The following BMPR1B variants were observed in gnomAD, a reference collection of about 807,000 sequenced individuals.
BMPR1B encodes the protein bone morphogenetic protein receptor type-1B.
BMPR1B carries 12 observed loss-of-function variants against 59.1 expected under a neutral mutation model. That is an observed-to-expected ratio of 0.20 (90% CI 0.13 to 0.33). BMPR1B has a LOEUF of 0.33. Among genes scored for constraint, BMPR1B ranks in the 10% least tolerant of loss-of-function variants. The pLI is 1.00. For missense variants in BMPR1B, 550 were observed against 610.9 expected (o/e 0.90, Z 1.05); for synonymous variants, 237 against 207.3 (o/e 1.14, Z -1.23).
chr4:95,091,020 G>C (rs1729938030), intron 3 of BMPR1B, among the ~76,000 whole-genome samples: 1 of 152,002 alleles, frequency 6.6e-6, no homozygotes, highest in South Asian at 2.1e-4. Flanking sequence ...TTGTGTAGTT[G>C]ATTGGTTTGT....
chr4:94,817,695 C>T (rs13120681), intron 1 of BMPR1B, among the ~76,000 whole-genome samples: 59,882 of 151,862 alleles, frequency 0.39, 12,241 homozygotes, highest in African/African-American at 0.51. Flanking sequence ...CCCATGATTA[C>T]TGTGAGGGTG....
chr4:94,952,253 G>C (rs898113440), intron 2 of BMPR1B, among the ~76,000 whole-genome samples: 2 of 151,790 alleles, frequency 1.3e-5, no homozygotes, highest in South Asian at 2.1e-4. Flanking sequence ...TCGTGTCTCT[G>C]TCTCCTTCAG....
In BMPR1B at chr4:95,157,384, T is replaced by C. The variant is rs1305817815; in HGVS notation, c.*2711T>C. 1 of 152,090 alleles carries C rather than the reference T, an allele frequency of 6.6e-6. No homozygotes were observed. Among genetic ancestry groups the C allele is most frequent in the African/African-American group, 2.4e-5 (1 of 41,454 alleles). The allele number at this position is 152,090 out of a possible 1,614,324, so 9.4% of individuals were successfully genotyped here. On this transcript the variant is annotated 3_prime_UTR_variant, in exon 13 of 13. Coordinates refer to ENST00000515059, the MANE Select transcript of BMPR1B (RefSeq NM_001203.3). ...GACTACTCATTTCCCAATAATCCTTTATGATTTCAAAATTTCTAGTGGCTC... is the reference window on the plus strand; with the variant it reads ...GACTACTCATTTCCCAATAATCCTTCATGATTTCAAAATTTCTAGTGGCTC...
intron 11 of BMPR1B, among the ~76,000 whole-genome samples, chr4:95,152,241 T>A (rs1175783838): frequency 2.6e-5 from 4 of 152,174 alleles, no homozygotes; most frequent in African/African-American, 9.7e-5. Context: ...ATTATGATAT[T>A]CATAGTTTCA....
chr4:95,050,160 T>G (rs1726382746), intron 3 of BMPR1B, among the ~76,000 whole-genome samples: 1 of 152,196 alleles, frequency 6.6e-6, no homozygotes, highest in East Asian at 1.9e-4. Flanking sequence ...TTGTCTGTTT[T>G]TCCCACATAA....
rs372742440 is a variant in BMPR1B at position 95,158,247 on chromosome 4, G to A, written c.*3574G>A. On this transcript the variant is annotated 3_prime_UTR_variant, in exon 13 of 13. Coordinates refer to ENST00000515059, the MANE Select transcript of BMPR1B (RefSeq NM_001203.3). Reference sequence around the variant, plus strand: ...TGCCATATTTTTTGGAGAAAAGTTGGCAATATAGGGGTTTCGTTGTCTGTT... The same window carrying A: ...TGCCATATTTTTTGGAGAAAAGTTGACAATATAGGGGTTTCGTTGTCTGTT... The A allele has an allele frequency of 6.6e-6, 1 of 152,088 alleles. No homozygotes were observed. The highest frequency in any genetic ancestry group is 6.5e-5 in the Admixed American group (1 of 15,268). The allele number at this position is 152,088 out of a possible 1,614,324, so 9.4% of individuals were successfully genotyped here.
At chr4:94,937,562 A>C (rs1199809579) in intron 2 of BMPR1B, among the ~76,000 whole-genome samples, 1 of 152,232 alleles carries the variant, frequency 6.6e-6, no homozygotes, top group Non-Finnish European at 1.5e-5. Flanking sequence ...AAAAATTAAA[A>C]GAATATGATT....
At chr4:94,902,077 GTGT>G (rs1727835805) in intron 2 of BMPR1B, among the ~76,000 whole-genome samples, 3 of 136,784 alleles carry the variant, frequency 2.2e-5, no homozygotes, top group South Asian at 2.2e-4. Flanking sequence ...GTGTGTGTGT[GTGT>G]GTGTGTGGGG....
At chr4:94,930,787 C>G (rs1218530465) in intron 2 of BMPR1B, among the ~76,000 whole-genome samples, 1 of 152,104 alleles carries the variant, frequency 6.6e-6, no homozygotes, top group Non-Finnish European at 1.5e-5. Flanking sequence ...GTGACTATCT[C>G]TTGAAGATAT....
chr4:95,073,074 G>C lies in BMPR1B; in HGVS notation c.-17-31334G>C, dbSNP rs145069381. On this transcript the variant is annotated intron_variant, in intron 3 of 12. Transcript: ENST00000515059. The stretch of plus-strand genomic sequence containing the variant: ...TAAAAATCTATCTGTTATGCTTCTT[G>C]GCTGGGGAAACAAAAGTTCTAAGAG... Among the ~76,000 whole-genome samples the C allele has an allele frequency of 1.9e-3, 285 of 152,252 alleles. 1 individual carries two copies. The highest frequency in any genetic ancestry group is 3.7e-3 in the Non-Finnish European group (253 of 68,012).
intron 1 of BMPR1B, among the ~76,000 whole-genome samples, chr4:94,834,486 T>C (rs1321669170): frequency 6.6e-6 from 1 of 151,330 alleles, no homozygotes; most frequent in African/African-American, 2.4e-5. Flanking sequence ...CCCCTTAATT[T>C]TGAAAAGCCA....
intron 2 of BMPR1B, among the ~76,000 whole-genome samples, chr4:94,913,839 A>G (rs1019510320): frequency 2.0e-5 from 3 of 152,158 alleles, no homozygotes; most frequent in African/African-American, 7.2e-5. Flanking sequence ...GCCACTAGCC[A>G]TGTGTGGCTA....
At chr4:95,015,983 G>A (rs1035495572) in intron 3 of BMPR1B, among the ~76,000 whole-genome samples, 1 of 152,138 alleles carries the variant, frequency 6.6e-6, no homozygotes, top group African/African-American at 2.4e-5. Flanking sequence ...GAGCCACCGC[G>A]CCGGCTGGAA....
intron 3 of BMPR1B, among the ~76,000 whole-genome samples, chr4:95,086,011 G>GTA (rs1491076286): frequency 2.1e-5 from 3 of 145,808 alleles, no homozygotes; most frequent in African/African-American, 7.6e-5. Flanking sequence ...GTGTGTGTGT[G>GTA]TAAAAAGGAG....
chr4:95,054,167 A>C (rs1377806383), intron 3 of BMPR1B, among the ~76,000 whole-genome samples: 1 of 152,216 alleles, frequency 6.6e-6, no homozygotes, highest in Non-Finnish European at 1.5e-5. Flanking sequence ...ATATATGGAA[A>C]CCTAAAAGAT....
At chr4:94,900,681 G>A (rs1318916988) in intron 2 of BMPR1B, among the ~76,000 whole-genome samples, 3 of 152,124 alleles carry the variant, frequency 2.0e-5, no homozygotes, top group South Asian at 4.2e-4. Flanking sequence ...TGTATTATTT[G>A]AATAGTCAGA....
At chr4:95,077,200 A>G (rs1265213013) in intron 3 of BMPR1B, among the ~76,000 whole-genome samples, 1 of 152,116 alleles carries the variant, frequency 6.6e-6, no homozygotes, top group Non-Finnish European at 1.5e-5. Context: ...CCTACTGGGA[A>G]AAAGAGAAAT....
intron 2 of BMPR1B, among the ~76,000 whole-genome samples, chr4:94,919,823 T>G (rs1728624471): frequency 6.6e-6 from 1 of 152,228 alleles, no homozygotes; most frequent in South Asian, 2.1e-4. Context: ...AGATGATGAT[T>G]TAAGTCATGT....
intron 2 of BMPR1B, among the ~76,000 whole-genome samples, chr4:94,915,154 A>G (rs1241477859): frequency 6.6e-6 from 1 of 152,210 alleles, no homozygotes; most frequent in Non-Finnish European, 1.5e-5. Context: ...CATTAAAGGT[A>G]TTATCACAGA....
Sources: allele counts gnomAD v4.1 joint callset (sites outside exome capture counted in the v4.1 genomes callset), GRCh38; gene constraint gnomAD v4.1.1; transcripts MANE v1.5; gene names NCBI Gene and HGNC (gene_info 2026-07-23, HGNC 2026-07-21).